Variants in RGS6 observed in about 807,000 individuals in gnomAD.
RGS6 encodes regulator of G protein signaling 6.
A neutral mutation model predicts 78.5 loss-of-function variants in RGS6; 30 were observed. The ratio of observed to expected loss-of-function variants is 0.38; its 90% CI spans 0.29 to 0.52. The LOEUF (loss-of-function observed/expected upper bound fraction) is 0.52. RGS6 is among the 20% of genes least tolerant of loss of function. The pLI is 0.85. For missense variants in RGS6, 495 were observed against 609.7 expected (o/e 0.81, Z 1.98); for synonymous variants, 206 against 206.0 (o/e 1.00, Z 0.00).
chr14:72,318,345 C>T (rs762883677), intron 2 of RGS6, among the ~76,000 whole-genome samples: 5 of 152,262 alleles, frequency 3.3e-5, no homozygotes, highest in East Asian at 1.9e-4. Context: ...TGATGGTGCC[C>T]ACCCAGATTA....
At chr14:72,499,400 A>T (rs1351673733) in intron 13 of RGS6, among the ~76,000 whole-genome samples, 1 of 152,098 alleles carries the variant, frequency 6.6e-6, no homozygotes, top group East Asian at 1.9e-4. Flanking sequence ...TTGCTTCCAT[A>T]TGCCCCTTGT....
intron 2 of RGS6, among the ~76,000 whole-genome samples, chr14:72,038,755 A>G (rs890248592): frequency 9.2e-5 from 14 of 152,268 alleles, no homozygotes; most frequent in African/African-American, 3.4e-4. Flanking sequence ...ATTTTTTTAC[A>G]TGTACTCTAC....
At chr14:72,297,504 A>G (rs1311161421) in intron 2 of RGS6, among the ~76,000 whole-genome samples, 6 of 150,694 alleles carry the variant, frequency 4.0e-5, no homozygotes, top group Admixed American at 6.6e-5. Context: ...TACATGTGCC[A>G]TGCTGGTGCG....
At chr14:72,572,999 G>T in the RGS6 span, among the ~76,000 whole-genome samples, 4 of 151,978 alleles carry the variant, frequency 2.6e-5, no homozygotes, top group Non-Finnish European at 5.9e-5. Context: ...GTTTTTCGAA[G>T]TCACCAAGAG....
At chr14:72,476,283 GA>G (rs1425665005) in intron 10 of RGS6, among the ~76,000 whole-genome samples, 2 of 152,212 alleles carry the variant, frequency 1.3e-5, no homozygotes, top group African/African-American at 4.8e-5. Context: ...ATGTAGAGGG[GA>G]TCTTTTGTGC....
At chr14:72,317,744 A>C (rs896139145) in intron 2 of RGS6, among the ~76,000 whole-genome samples, 2 of 152,186 alleles carry the variant, frequency 1.3e-5, no homozygotes, top group African/African-American at 4.8e-5. Flanking sequence ...TGTCATCAGA[A>C]AAGAAGCTCT....
intron 3 of RGS6, among the ~76,000 whole-genome samples, chr14:72,414,357 C>T (rs535796696): frequency 5.3e-5 from 8 of 152,200 alleles, no homozygotes; most frequent in Admixed American, 1.3e-4. Context: ...TTGATCACAT[C>T]GACTACTGAG....
intron 2 of RGS6, among the ~76,000 whole-genome samples, chr14:72,039,632 T>A (rs1275685274): frequency 6.6e-6 from 1 of 152,178 alleles, no homozygotes; most frequent in Non-Finnish European, 1.5e-5. Flanking sequence ...GTCTTGTTTT[T>A]TAATTCCTTC....
intron 2 of RGS6, among the ~76,000 whole-genome samples, chr14:72,313,271 C>CA (rs1484580002): frequency 6.6e-6 from 1 of 152,194 alleles, no homozygotes; most frequent in Non-Finnish European, 1.5e-5. Flanking sequence ...CTTGTTCAAG[C>CA]ATATTAAGCA....
intron 2 of RGS6, among the ~76,000 whole-genome samples, chr14:72,109,790 GC>G (rs1172963213): frequency 1.3e-5 from 2 of 152,120 alleles, no homozygotes; most frequent in Non-Finnish European, 2.9e-5. Flanking sequence ...TGCCTGTCTG[GC>G]CTACCTTGAA....
intron 3 of RGS6, among the ~76,000 whole-genome samples, chr14:72,394,037 G>T (rs190214715): frequency 9.3e-4 from 142 of 152,224 alleles, no homozygotes; most frequent in African/African-American, 3.2e-3. Context: ...GAAAACCTTT[G>T]TAAATAAGCA....
intron 2 of RGS6, among the ~76,000 whole-genome samples, chr14:72,224,914 C>A (rs551385682): frequency 6.6e-6 from 1 of 152,210 alleles, no homozygotes; most frequent in African/African-American, 2.4e-5. Context: ...TGGATGAAAG[C>A]AAAACTGAGG....
intron 2 of RGS6, among the ~76,000 whole-genome samples, chr14:72,310,405 G>A (rs529593483): frequency 9.2e-5 from 14 of 152,308 alleles, no homozygotes; most frequent in African/African-American, 3.1e-4. Flanking sequence ...GGAGTGAGCC[G>A]ATTCCTAGGC....
chr14:72,190,408 G>A (rs79827172), intron 2 of RGS6, among the ~76,000 whole-genome samples: 2 of 152,212 alleles, frequency 1.3e-5, no homozygotes, highest in Non-Finnish European at 2.9e-5. Context: ...ATGTGTGTGT[G>A]TGTGTTGTTG....
intron 14 of RGS6, among the ~76,000 whole-genome samples, chr14:72,512,917 T>C (rs2238171): frequency 0.16 from 23,732 of 152,192 alleles, 1,967 homozygotes; most frequent in South Asian, 0.21. Flanking sequence ...GGCATGGCTA[T>C]ACAGATGCAC....
chr14:72,301,043 C>G (rs1023668319), intron 2 of RGS6, among the ~76,000 whole-genome samples: 1 of 152,148 alleles, frequency 6.6e-6, no homozygotes, highest in Non-Finnish European at 1.5e-5. Flanking sequence ...TGATTTGATA[C>G]ACTGGTGGAA....
At chr14:72,324,148 A>G (rs933081963) in intron 2 of RGS6, among the ~76,000 whole-genome samples, 2 of 152,136 alleles carry the variant, frequency 1.3e-5, no homozygotes, top group African/African-American at 2.4e-5. Flanking sequence ...TTATATCTCT[A>G]TATCCTAACA....
the RGS6 span, among the ~76,000 whole-genome samples, chr14:72,601,859 C>T: frequency 6.6e-6 from 1 of 152,236 alleles, no homozygotes; most frequent in African/African-American, 2.4e-5. Context: ...TTCAAATTAG[C>T]TCAAATGCCA....
At chr14:72,454,609 C>G (rs1270186491) in intron 4 of RGS6, 31 bp downstream of exon 4, 1 of 1,598,112 alleles carries the variant, frequency 6.3e-7, no homozygotes, top group Non-Finnish European at 8.6e-7. Context: ...CCCTTATCTC[C>G]CCTGGTATCA....
Sources: gnomAD v4.1 joint callset for allele counts (sites outside exome capture counted in the v4.1 genomes callset) on GRCh38, gnomAD v4.1.1 for gene constraint, MANE v1.5 for transcripts, NCBI Gene and HGNC (gene_info 2026-07-23, HGNC 2026-07-21) for gene names.